ARHGEF3: variants seen among roughly 807,000 people sequenced by gnomAD.
ARHGEF3 encodes Rho guanine nucleotide exchange factor 3.
Under a neutral mutation model 63.2 loss-of-function variants are expected in ARHGEF3, and 28 were observed. That is an observed-to-expected ratio of 0.44 (90% CI 0.33 to 0.61). The LOEUF (loss-of-function observed/expected upper bound fraction) is 0.61, where lower values mean the gene tolerates loss of function less well. Among genes scored for constraint, ARHGEF3 ranks in the 20% least tolerant of loss-of-function variants. ARHGEF3 has a pLI of 0.03. For missense variants in ARHGEF3, 533 were observed against 659.3 expected (o/e 0.81, Z 2.10); for synonymous variants, 266 against 254.2 (o/e 1.05, Z -0.44).
At chr3:57,055,163 CTTTTTT>C (rs71623876) in intron 1 of ARHGEF3, among the ~76,000 whole-genome samples, 1 of 135,306 alleles carries the variant, frequency 7.4e-6, no homozygotes, top group Non-Finnish European at 1.6e-5. Context: ...TCTCTTTATG[CTTTTTT>C]TTTTTTTTTT....
intron 1 of ARHGEF3, among the ~76,000 whole-genome samples, chr3:57,047,345 C>T (rs767761399): frequency 1.3e-5 from 2 of 151,938 alleles, no homozygotes; most frequent in Middle Eastern, 3.4e-3. Context: ...AGTAAGACTC[C>T]GTCTCAAACA....
chr3:56,832,616 A>G (rs1210328289), intron 4 of ARHGEF3, among the ~76,000 whole-genome samples: 4 of 152,188 alleles, frequency 2.6e-5, no homozygotes, highest in African/African-American at 9.7e-5. Flanking sequence ...ATTGAGATAA[A>G]ATTTATATAA....
At chr3:56,804,204 A>G (rs1442406443), upstream of ARHGEF3, among the ~76,000 whole-genome samples, 1 of 152,124 alleles carries the variant, frequency 6.6e-6, no homozygotes, top group African/African-American at 2.4e-5. Flanking sequence ...TCATCTCTCA[A>G]AAGTTATTTT....
chr3:56,951,332 C>G (rs1321497251), intron 3 of ARHGEF3, among the ~76,000 whole-genome samples: 1 of 151,790 alleles, frequency 6.6e-6, no homozygotes. Context: ...CCACCCCAGC[C>G]TTCAGTAACC....
chr3:57,011,169 A>C (rs1414236716), intron 2 of ARHGEF3, among the ~76,000 whole-genome samples: 1 of 152,228 alleles, frequency 6.6e-6, no homozygotes, highest in African/African-American at 2.4e-5. Flanking sequence ...AGCCTAATGA[A>C]GAAACAGAAG....
intron 7 of ARHGEF3, among the ~76,000 whole-genome samples, chr3:56,740,796 C>G (rs1318665588): frequency 6.6e-6 from 1 of 152,192 alleles, no homozygotes; most frequent in Non-Finnish European, 1.5e-5. Context: ...TGTACCTGGA[C>G]AGCCGGAATT....
At chr3:57,035,918 AT>A (rs1381049384) in intron 1 of ARHGEF3, among the ~76,000 whole-genome samples, 1 of 152,044 alleles carries the variant, frequency 6.6e-6, no homozygotes, top group East Asian at 1.9e-4. Flanking sequence ...TTACAGAGAA[AT>A]TTCTTTGTTC....
intron 4 of ARHGEF3, among the ~76,000 whole-genome samples, chr3:56,834,006 T>C (rs1191717881): frequency 6.6e-6 from 1 of 150,946 alleles, no homozygotes; most frequent in Non-Finnish European, 1.5e-5. Context: ...CAGGTTTAAG[T>C]GATTCTCCTG....
intron 3 of ARHGEF3, among the ~76,000 whole-genome samples, chr3:56,945,805 G>T (rs1329326121): frequency 6.6e-6 from 1 of 152,234 alleles, no homozygotes; most frequent in Admixed American, 6.5e-5. Context: ...TGCAGCTGGA[G>T]ATCTGAGAAT....
At chr3:56,883,670 C>A (rs2040838627) in intron 3 of ARHGEF3, among the ~76,000 whole-genome samples, 1 of 152,182 alleles carries the variant, frequency 6.6e-6, no homozygotes, top group Non-Finnish European at 1.5e-5. Context: ...ACATTCACCT[C>A]TCTTCTGCAC....
At chr3:56,828,064 C>A (rs976640348) in intron 4 of ARHGEF3, among the ~76,000 whole-genome samples, 24 of 147,532 alleles carry the variant, frequency 1.6e-4, no homozygotes, top group African/African-American at 5.7e-4. Flanking sequence ...ATTGCTATAA[C>A]AGTAAGATTT....
At chr3:56,913,169 C>CA (rs2041899031) in intron 3 of ARHGEF3, among the ~76,000 whole-genome samples, 1 of 20,144 alleles carries the variant, frequency 5.0e-5, no homozygotes, top group African/African-American at 9.0e-5. Flanking sequence ...ACAACAACAA[C>CA]AACAAAAAAA....
At chr3:56,756,959 C>T (rs568098704) in intron 2 of ARHGEF3, among the ~76,000 whole-genome samples, 44 of 152,292 alleles carry the variant, frequency 2.9e-4, no homozygotes, top group Admixed American at 1.1e-3. Context: ...TTCAGACATA[C>T]TTCTGATATA....
chr3:56,853,861 C>G (rs186301509), intron 4 of ARHGEF3, among the ~76,000 whole-genome samples: 1 of 152,070 alleles, frequency 6.6e-6, no homozygotes, highest in Non-Finnish European at 1.5e-5. Context: ...GGGGTCACCT[C>G]TGTTTGAGGG....
In ARHGEF3 at chr3:56,947,567, A is replaced by G. The variant is rs532947637; in HGVS notation, c.129+11256T>C. 2.6e-5 allele frequency among the ~76,000 whole-genome samples: 4 copies of G among 152,382 alleles called. No individual in the cohort carries two copies. The South Asian group carries it at 8.3e-4, about 32-fold the overall frequency. ...TAATGGTAAAGAGATCAATTCAACA[A>G]GAAGAGCTAACTATCCTAAATATAT... On this transcript the variant is annotated intron_variant, in intron 3 of 12. Coordinates refer to the ARHGEF3 transcript ENST00000338458.
intron 3 of ARHGEF3, among the ~76,000 whole-genome samples, chr3:56,946,176 G>A (rs902403553): frequency 1.1e-4 from 16 of 152,086 alleles, no homozygotes; most frequent in African/African-American, 3.9e-4. Flanking sequence ...CAAAGATGGG[G>A]AAAAAACAGA....
At position 57,073,480 on chromosome 3, in the gene ARHGEF3, T is replaced by C. The variant is rs543617026; in HGVS notation, c.-28+5746A>G. On this transcript the variant is annotated intron_variant, in intron 1 of 12. Coordinates refer to the ARHGEF3 transcript ENST00000338458. ...AGTGGAAACAGCAGAAGCAAAGATG[T>C]GAACATGGGAAAACCTCTGCAGTAT... The C allele has an allele frequency of 2.0e-4, 130 of 653,574 alleles. 1 individual carries two copies. The South Asian group carries it at 3.1e-3, about 16-fold the overall frequency. The allele number at this position is 653,574 out of a possible 1,614,324, so 40.5% of individuals were successfully genotyped here. A position where few individuals can be genotyped will look rare whatever the true frequency, so the allele number is the denominator to read the frequency against.
chr3:56,924,735 T>C (rs1285119473), intron 3 of ARHGEF3, among the ~76,000 whole-genome samples: 1 of 152,154 alleles, frequency 6.6e-6, no homozygotes, highest in African/African-American at 2.4e-5. Flanking sequence ...TTTGGTGGGA[T>C]TTAGCCAGAT....
intron 3 of ARHGEF3, among the ~76,000 whole-genome samples, chr3:56,922,976 AG>A (rs1241368214): frequency 7.5e-6 from 1 of 134,068 alleles, no homozygotes; most frequent in Non-Finnish European, 1.7e-5. Flanking sequence ...AGCTGAGGTC[AG>A]GAGTTCAAGA....
Sources: allele counts gnomAD v4.1 joint callset (sites outside exome capture counted in the v4.1 genomes callset), GRCh38; gene constraint gnomAD v4.1.1; transcripts MANE v1.5; gene names NCBI Gene and HGNC (gene_info 2026-07-23, HGNC 2026-07-21).